Variants in APC observed in about 807,000 individuals in gnomAD.
APC encodes APC regulator of Wnt signaling pathway.
In APC, 72 loss-of-function variants were observed where a neutral mutation model predicts 247.0. The ratio of observed to expected loss-of-function variants is 0.29; its 90% CI spans 0.24 to 0.35. The LOEUF (loss-of-function observed/expected upper bound fraction) is 0.35, where lower values mean the gene tolerates loss of function less well. APC is among the 10% of genes least tolerant of loss of function. The probability of loss-of-function intolerance (pLI) is 1.00; values close to 1 mark genes in which losing one functional copy is unlikely to be tolerated. For synonymous variants in APC, 1,254 were observed against 1,162.5 expected, an observed-to-expected ratio of 1.08 and a Z score of -1.60; for missense variants, 3,400 against 3,360.7, an observed-to-expected ratio of 1.01 and a Z score of -0.29.
rs1215209881 is a variant in APC at position 112,844,540 on chromosome 5, AT to A, written c.*415del. The A allele has an allele frequency of 8.4e-6, 2 of 239,128 alleles. No individual in the cohort carries two copies. The highest frequency in any genetic ancestry group is 1.2e-4 in the East Asian group (2 of 16,474). 14.8% of individuals were successfully genotyped at this position (239,128 alleles called of 1,614,324 possible). A position where few individuals can be genotyped will look rare whatever the true frequency, so the allele number is the denominator to read the frequency against. The stretch of plus-strand genomic sequence containing the variant: ...AAAATTGGTATTTATGCAAAAAAAA[AT>A]GTTTTTGTCCTTGTGAGTCCATCTA... On this transcript the variant is annotated 3_prime_UTR_variant, in exon 16 of 16. Transcript: ENST00000257430.
At chr5:112,716,959 T>C (rs1396207219) in intron 1 of APC, among the ~76,000 whole-genome samples, 1 of 152,206 alleles carries the variant, frequency 6.6e-6, no homozygotes, top group Admixed American at 6.5e-5. Context: ...TGATGCACTT[T>C]AATTCTACTT....
rs760485028 is a variant in APC at position 112,839,553 on chromosome 5, T to A, written c.3959T>A (p.Val1320Glu). The A allele has an allele frequency of 6.8e-6, 11 of 1,614,046 alleles. No homozygotes were observed. Among genetic ancestry groups the A allele is most frequent in the Non-Finnish European group, 9.3e-6 (11 of 1,180,026 alleles). ...KIGTRSAEDP[V>E]SEVPAVSQHP... The stretch of plus-strand genomic sequence containing the variant: ...GGAACTAGGTCAGCTGAAGATCCTG[T>A]GAGCGAAGTTCCAGCAGTGTCACAG... The change falls in exon 16 of 16, where the codon GTG becomes GAG. Residue 1320 changes from valine to glutamate, a missense_variant. Coordinates refer to ENST00000257430, the MANE Select transcript of APC (RefSeq NM_000038.6). The surrounding 1 kb of genome is among the most constrained non-coding windows in gnomAD (Gnocchi z 5.0).
At chr5:112,761,041 C>G (rs951535316) in intron 2 of APC, among the ~76,000 whole-genome samples, 1 of 152,090 alleles carries the variant, frequency 6.6e-6, no homozygotes, top group Non-Finnish European at 1.5e-5. Context: ...GATCTCCTGA[C>G]CTCGTGATCC....
At chr5:112,769,462 T>A (rs1477628860) in intron 4 of APC, among the ~76,000 whole-genome samples, 1 of 152,232 alleles carries the variant, frequency 6.6e-6, no homozygotes, top group Non-Finnish European at 1.5e-5. Flanking sequence ...CTTCCTAAAG[T>A]TAACATTATC....
intron 2 of APC, among the ~76,000 whole-genome samples, chr5:112,757,245 A>G (rs1755083152): frequency 6.6e-6 from 1 of 152,186 alleles, no homozygotes; most frequent in African/African-American, 2.4e-5. Flanking sequence ...GTGAAAGAGC[A>G]TAAACCATGA....
At chr5:112,736,882 C>T (rs1445468700), upstream of APC, among the ~76,000 whole-genome samples, 3 of 152,116 alleles carry the variant, frequency 2.0e-5, no homozygotes, top group Admixed American at 6.5e-5. Flanking sequence ...CCACTGCACT[C>T]GCCTGGTGAC....
At chr5:112,717,214 T>C (rs539459183) in intron 1 of APC, among the ~76,000 whole-genome samples, 2 of 152,296 alleles carry the variant, frequency 1.3e-5, no homozygotes, top group African/African-American at 2.4e-5. Flanking sequence ...GGTTTCACCA[T>C]GTTTGCTAGG....
At chr5:112,713,028 G>T (rs111409868) in intron 1 of APC, among the ~76,000 whole-genome samples, 6 of 152,042 alleles carry the variant, frequency 3.9e-5, no homozygotes, top group African/African-American at 1.4e-4. Context: ...AAAATTAGCC[G>T]GGTATGGTGG....
chr5:112,782,843 G>A (rs1580386938), intron 6 of APC, among the ~76,000 whole-genome samples: 1 of 152,054 alleles, frequency 6.6e-6, no homozygotes, highest in East Asian at 1.9e-4. Context: ...CTTACAAATT[G>A]GGAGAAGATA....
chr5:112,707,551 GC>G, exon 1 of APC: 1 of 570,258 alleles, frequency 1.8e-6, no homozygotes, highest in Non-Finnish European at 2.9e-6. Flanking sequence ...TAGCAAGGGG[GC>G]GGGGTGTGGC....
At chr5:112,801,972 A>G (rs1279466622) in intron 8 of APC, among the ~76,000 whole-genome samples, 4 of 152,022 alleles carry the variant, frequency 2.6e-5, no homozygotes, top group Non-Finnish European at 5.9e-5. Flanking sequence ...TTGTTATGCT[A>G]CCATCCGTTA....
chr5:112,743,739 T>G (rs1430306361), intron 1 of APC, among the ~76,000 whole-genome samples: 1 of 152,228 alleles, frequency 6.6e-6, no homozygotes, highest in Non-Finnish European at 1.5e-5. Context: ...GGGCGCTTTG[T>G]TGAAACTTGA....
Position 112,839,520 on chromosome 5 carries a change from A to G in APC, c.3926A>G (p.Glu1309Gly), listed in dbSNP as rs775060363. ...ACCCTGCAAATAGCAGAAATAAAAG[A>G]AAAGATTGGAACTAGGTCAGCTGAA... Reference protein sequence around the residue: ...ANTLQIAEIKEKIGTRSAEDP... With the variant: ...ANTLQIAEIKGKIGTRSAEDP... The change falls in exon 16 of 16, where the codon GAA becomes GGA. Residue 1309 changes from glutamate (E) to glycine (G), a missense_variant. Glu to Gly is a moderately conservative substitution (Grantham distance 98). Around this residue, in one of 9 missense-constraint regions of APC, gnomAD observed 715 missense variants for 656.6 expected, o/e 1.09. Transcript: ENST00000257430. The surrounding 1 kb of genome is among the most constrained non-coding windows in gnomAD (Gnocchi z 5.0). The G allele has an allele frequency of 1.9e-6, 3 of 1,614,086 alleles. No individual in the cohort carries two copies. The highest frequency in any genetic ancestry group is 2.5e-6 in the Non-Finnish European group (3 of 1,180,034).
chr5:112,827,476 C>T (rs1763822109), intron 12 of APC, among the ~76,000 whole-genome samples: 1 of 152,148 alleles, frequency 6.6e-6, no homozygotes, highest in Admixed American at 6.5e-5. Flanking sequence ...TATGTAATTG[C>T]ATTAAAAACA....
chr5:112,809,597 C>CAA (rs113558913), intron 8 of APC, among the ~76,000 whole-genome samples: 16 of 102,406 alleles, frequency 1.6e-4, no homozygotes, highest in African/African-American at 2.7e-4. Flanking sequence ...TGGGTTTCAC[C>CAA]AAAAAAAAAA....
intron 2 of APC, among the ~76,000 whole-genome samples, chr5:112,764,677 T>C (rs1183321683): frequency 6.6e-6 from 1 of 152,156 alleles, no homozygotes; most frequent in African/African-American, 2.4e-5. Flanking sequence ...AGACATGTCA[T>C]TGGAAATTAA....
At chr5:112,812,723 G>A (rs1276530623) in intron 8 of APC, among the ~76,000 whole-genome samples, 1 of 152,134 alleles carries the variant, frequency 6.6e-6, no homozygotes, top group Non-Finnish European at 1.5e-5. Context: ...TTCATGTTCA[G>A]CTCCTCATCT....
chr5:112,743,082 T>G (rs1160142975), intron 1 of APC, among the ~76,000 whole-genome samples: 1 of 152,194 alleles, frequency 6.6e-6, no homozygotes, highest in Admixed American at 6.5e-5. Flanking sequence ...TATTGAAGAA[T>G]CCATTTTCTT....
rs980971848 is a variant in APC at position 112,791,995 on chromosome 5, C to G, written c.646-451C>G. ...GCACAGTGGCTCACGCCTGTAAGCCCACAGCACTTTGGGAAGCCGAGGCAG... is the reference window on the plus strand; with the variant it reads ...GCACAGTGGCTCACGCCTGTAAGCCGACAGCACTTTGGGAAGCCGAGGCAG... On this transcript the variant is annotated intron_variant, in intron 6 of 15. Transcript: ENST00000257430. 5.3e-5 allele frequency among the ~76,000 whole-genome samples: 8 copies of G among 152,122 alleles called. No individual in the cohort carries two copies. The East Asian group carries it at 1.6e-3, about 29-fold the overall frequency.
Sources: gnomAD v4.1 joint callset for allele counts (sites outside exome capture counted in the v4.1 genomes callset) on GRCh38, gnomAD v4.1.1 for gene constraint, gnomAD v4.1.1 regional missense constraint, Gnocchi (gnomAD v3.1) non-coding constraint, MANE v1.5 for transcripts, NCBI Gene and HGNC (gene_info 2026-07-23, HGNC 2026-07-21) for gene names.